Variants in EXTL3 observed in about 807,000 individuals in gnomAD.
EXTL3 encodes exostosin like glycosyltransferase 3.
EXTL3 carries 27 observed loss-of-function variants against 69.3 expected under a neutral mutation model. The observed-to-expected ratio is 0.39, with a 90% CI of 0.29 to 0.54. The LOEUF (loss-of-function observed/expected upper bound fraction) is 0.54, where lower values mean the gene tolerates loss of function less well. EXTL3 is among the 20% of genes least tolerant of loss of function. EXTL3 has a pLI of 0.69. For synonymous variants in EXTL3, 511 were observed against 499.4 expected, an observed-to-expected ratio of 1.02 and a Z score of -0.31; for missense variants, 1,003 against 1,231.8, an observed-to-expected ratio of 0.81 and a Z score of 2.78.
At chr8:28,728,211 T>C (rs916358331) in intron 3 of EXTL3, among the ~76,000 whole-genome samples, 1 of 152,242 alleles carries the variant, frequency 6.6e-6, no homozygotes, top group African/African-American at 2.4e-5. Context: ...AATTGAGATG[T>C]GTCTTACAAT....
At chr8:28,746,821 G>C (rs757824493) in intron 6 of EXTL3, among the ~76,000 whole-genome samples, 7 of 152,046 alleles carry the variant, frequency 4.6e-5, no homozygotes, top group Non-Finnish European at 8.8e-5. Flanking sequence ...GACTATAGGC[G>C]TGTGCCACCA....
intron 3 of EXTL3, among the ~76,000 whole-genome samples, chr8:28,722,000 A>G (rs1259235816): frequency 1.3e-5 from 2 of 152,176 alleles, no homozygotes; most frequent in Admixed American, 6.5e-5. Flanking sequence ...TTAGGTTTTC[A>G]TTCTCTTCTT....
chr8:28,671,708 T>C (rs1208555877), intron 1 of EXTL3, among the ~76,000 whole-genome samples: 1 of 152,218 alleles, frequency 6.6e-6, no homozygotes, highest in Non-Finnish European at 1.5e-5. Context: ...CCCATGTTAA[T>C]GCATCAGTCA....
At chr8:28,644,915 G>A (rs1213475145) in intron 1 of EXTL3, among the ~76,000 whole-genome samples, 1 of 152,152 alleles carries the variant, frequency 6.6e-6, no homozygotes, top group Non-Finnish European at 1.5e-5. Flanking sequence ...TTACCATGGT[G>A]CCTGATGCAA....
intron 1 of EXTL3, among the ~76,000 whole-genome samples, chr8:28,654,350 G>T (rs933394811): frequency 1.3e-5 from 2 of 152,084 alleles, no homozygotes; most frequent in Non-Finnish European, 2.9e-5. Flanking sequence ...TGTGCTGAAT[G>T]GTTTTATTCT....
At position 28,731,211 on chromosome 8, in the gene EXTL3, T is replaced by C; in HGVS notation, c.2149-12T>C. 1.2e-6 allele frequency: 2 copies of C among 1,614,214 alleles called. No homozygotes were observed. Among genetic ancestry groups the C allele is most frequent in the Non-Finnish European group, 1.7e-6 (2 of 1,180,036 alleles). On this transcript the variant is annotated splice_polypyrimidine_tract_variant and intron_variant, in intron 3 of 6. Coordinates refer to ENST00000220562, the MANE Select transcript of EXTL3 (RefSeq NM_001440.4). ...AGCCTTAATTTTTAATGTTTTTCCTTCCTCATCACAGGTGGTCCGTACTGA... is the reference window on the plus strand; with the variant it reads ...AGCCTTAATTTTTAATGTTTTTCCTCCCTCATCACAGGTGGTCCGTACTGA...
intron 6 of EXTL3, among the ~76,000 whole-genome samples, chr8:28,743,611 A>G (rs1427719222): frequency 6.6e-6 from 1 of 152,232 alleles, no homozygotes; most frequent in Admixed American, 6.5e-5. Flanking sequence ...ATATCTGCAA[A>G]AAGTATTGTT....
chr8:28,615,998 G>C (rs1278415834), intron 2 of EXTL3, among the ~76,000 whole-genome samples: 1 of 151,998 alleles, frequency 6.6e-6, no homozygotes, highest in Non-Finnish European at 1.5e-5. Flanking sequence ...AGTTTGGGAG[G>C]CTGTGGCAGG....
At chr8:28,620,186 T>G (rs1806392882), upstream of EXTL3, among the ~76,000 whole-genome samples, 21 of 152,134 alleles carry the variant, frequency 1.4e-4, no homozygotes, top group South Asian at 4.4e-3. Flanking sequence ...TTCTGATTCT[T>G]GCAGACAGAC....
chr8:28,711,711 G>T (rs1801034832), intron 1 of EXTL3, among the ~76,000 whole-genome samples: 1 of 152,108 alleles, frequency 6.6e-6, no homozygotes, highest in Non-Finnish European at 1.5e-5. Flanking sequence ...TATATTATTT[G>T]TTAATGGATT....
chr8:28,608,020 G>C (rs908019860), intron 2 of EXTL3, among the ~76,000 whole-genome samples: 4 of 151,576 alleles, frequency 2.6e-5, no homozygotes, highest in Non-Finnish European at 4.4e-5. Flanking sequence ...TGAGGCAGGA[G>C]AATGGTGTGA....
intron 2 of EXTL3, among the ~76,000 whole-genome samples, chr8:28,714,739 A>C (rs1378353390): frequency 2.0e-5 from 3 of 152,248 alleles, no homozygotes; most frequent in African/African-American, 7.2e-5. Flanking sequence ...AAGCTTGGTG[A>C]GAGAGCAGGG....
intron 1 of EXTL3, among the ~76,000 whole-genome samples, chr8:28,668,153 G>A (rs574560481): frequency 1.3e-5 from 2 of 151,538 alleles, no homozygotes; most frequent in South Asian, 4.2e-4. Context: ...TGTAGTGGCA[G>A]CTACTTGTGA....
intron 6 of EXTL3, among the ~76,000 whole-genome samples, chr8:28,747,236 G>A (rs1285665902): frequency 6.6e-6 from 1 of 152,180 alleles, no homozygotes; most frequent in Admixed American, 6.5e-5. Context: ...CTGCTCCAGT[G>A]GGAACCGTGG....
At chr8:28,711,436 C>G (rs1480013228) in intron 1 of EXTL3, among the ~76,000 whole-genome samples, 1 of 152,096 alleles carries the variant, frequency 6.6e-6, no homozygotes, top group East Asian at 1.9e-4. Flanking sequence ...TTCCTCTTAG[C>G]ACTGTTTTAG....
At chr8:28,629,688 C>T (rs1806544389) in intron 1 of EXTL3, among the ~76,000 whole-genome samples, 1 of 152,018 alleles carries the variant, frequency 6.6e-6, no homozygotes, top group Non-Finnish European at 1.5e-5. Flanking sequence ...AGGAAGCCAC[C>T]CAGAGCTACA....
At chr8:28,626,663 T>C (rs1488111440) in intron 1 of EXTL3, among the ~76,000 whole-genome samples, 1 of 152,314 alleles carries the variant, frequency 6.6e-6, no homozygotes, top group East Asian at 1.9e-4. Flanking sequence ...AAGTTGAGTA[T>C]TATTAGCCCA....
chr8:28,713,612 T>C, intron 2 of EXTL3, 62 bp downstream of exon 2: 1 of 688,740 alleles, frequency 1.5e-6, no homozygotes, highest in Non-Finnish European at 2.6e-6. Context: ...TTTCTTCCAT[T>C]CTGTTGTTTC....
At position 28,754,638 on chromosome 8, in the gene EXTL3, A is replaced by G. The variant is rs1260111055; in HGVS notation, c.*3772A>G. The G allele has an allele frequency of 6.6e-6, 1 of 152,246 alleles. No individual in the cohort carries two copies. The highest frequency in any genetic ancestry group is 1.5e-5 in the Non-Finnish European group (1 of 68,072). 9.4% of individuals were successfully genotyped at this position (152,246 alleles called of 1,614,324 possible). ...AAAATGTGTCTTCCTATACACAGAG[A>G]TATGATGTCTGCTTTGAGTCTATAC... On this transcript the variant is annotated 3_prime_UTR_variant, in exon 7 of 7. Coordinates refer to ENST00000220562, the MANE Select transcript of EXTL3 (RefSeq NM_001440.4).
Sources: gnomAD v4.1 joint callset for allele counts (sites outside exome capture counted in the v4.1 genomes callset) on GRCh38, gnomAD v4.1.1 for gene constraint, MANE v1.5 for transcripts, NCBI Gene and HGNC (gene_info 2026-07-23, HGNC 2026-07-21) for gene names.